Variants in CUBN observed in about 807,000 individuals in gnomAD.
The protein encoded by CUBN is cubilin, also known as 460 kDa receptor.
Under a neutral mutation model 405.3 loss-of-function variants are expected in CUBN, and 282 were observed. The ratio of observed to expected loss-of-function variants is 0.70; its 90% confidence interval spans 0.63 to 0.77. CUBN has a LOEUF of 0.77. Among genes scored for constraint, CUBN ranks in the 30% least tolerant of loss-of-function variants. The probability of loss-of-function intolerance (pLI) is 0.00; values close to 1 mark genes in which losing one functional copy is unlikely to be tolerated. For synonymous variants in CUBN, 1,684 were observed against 1,617.0 expected (o/e 1.04, Z -0.99); for missense variants, 4,514 against 4,475.2 (o/e 1.01, Z -0.25).
chr10:17,078,707 T>C (rs1835905535), intron 17 of CUBN, among the ~76,000 whole-genome samples: 1 of 152,186 alleles, frequency 6.6e-6, no homozygotes, highest in African/African-American at 2.4e-5. Context: ...ACTAGTACTA[T>C]CCCTATTACA....
intron 56 of CUBN, among the ~76,000 whole-genome samples, chr10:16,881,089 A>C (rs59527883): frequency 0.035 from 5,265 of 152,312 alleles, 307 homozygotes; most frequent in African/African-American, 0.12. Flanking sequence ...GAGTTTGAGA[A>C]TAAAAAAATT....
In CUBN at chr10:16,967,343, T is replaced by A. The variant is rs1169567513; in HGVS notation, c.4696-12795A>T. 3.3e-5 allele frequency among the ~76,000 whole-genome samples: 5 copies of A among 152,192 alleles called. No homozygotes were observed. In the East Asian group the frequency reaches 9.6e-4, roughly 29 times the overall value. On this transcript the variant is annotated intron_variant, in intron 31 of 66. Transcript: ENST00000377833. ...ACTGACTCAAAGATTCCTGGAAATG[T>A]TGACATGAGAAGAAATCTAAGATGC... is the stretch of plus-strand genomic sequence containing the variant.
At chr10:17,029,819 G>T (rs1313714810) in intron 27 of CUBN, among the ~76,000 whole-genome samples, 1 of 152,210 alleles carries the variant, frequency 6.6e-6, no homozygotes, top group African/African-American at 2.4e-5. Context: ...TGGAAAACAG[G>T]ATTTTATCTA....
At chr10:17,049,735 C>G (rs1368686206) in intron 22 of CUBN, among the ~76,000 whole-genome samples, 1 of 152,156 alleles carries the variant, frequency 6.6e-6, no homozygotes, top group Non-Finnish European at 1.5e-5. Flanking sequence ...ACCCAACAAC[C>G]CCTGCCAATA....
chr10:16,916,068 A>G (rs1841875903), intron 45 of CUBN, 38 bp from the exon 46 acceptor site: 2 of 1,588,892 alleles, frequency 1.3e-6, no homozygotes, highest in African/African-American at 1.4e-5. Flanking sequence ...ATAAGAAAGC[A>G]AGCAAGCAAG....
At chr10:16,961,257 A>G (rs760884410) in intron 31 of CUBN, among the ~76,000 whole-genome samples, 3 of 152,004 alleles carry the variant, frequency 2.0e-5, no homozygotes, top group Non-Finnish European at 2.9e-5. Context: ...TGTTTTGTAG[A>G]GAGGGGATTT....
intron 36 of CUBN, among the ~76,000 whole-genome samples, chr10:16,944,567 G>C (rs994117863): frequency 1.3e-5 from 2 of 152,028 alleles, no homozygotes; most frequent in African/African-American, 4.8e-5. Flanking sequence ...TTTAGACCAG[G>C]GCAGAAATAA....
At chr10:16,879,367 C>T (rs1269453442) in intron 56 of CUBN, among the ~76,000 whole-genome samples, 2 of 152,188 alleles carry the variant, frequency 1.3e-5, no homozygotes, top group African/African-American at 2.4e-5. Context: ...GAACAAAATG[C>T]TTTTATTTCA....
intron 6 of CUBN, among the ~76,000 whole-genome samples, chr10:17,119,080 C>T (rs1031696290): frequency 2.4e-4 from 36 of 152,168 alleles, no homozygotes; most frequent in Non-Finnish European, 4.9e-4. Flanking sequence ...TGGTTCAATA[C>T]TAATTTTACT....
intron 17 of CUBN, among the ~76,000 whole-genome samples, chr10:17,075,458 T>C (rs1337672549): frequency 1.3e-5 from 2 of 152,158 alleles, no homozygotes; most frequent in African/African-American, 2.4e-5. Flanking sequence ...CATCCATAAC[T>C]GGTGGAAGTA....
rs77287331 is a variant in CUBN, at chr10:17,125,712, C to T, written c.387+1049G>A. ...GCCCTATCCAAAGGCACAAAGCATT[C>T]ACATTTGAAAATCATTCAACATTCC... On this transcript the variant is annotated intron_variant, in intron 4 of 66. Coordinates refer to ENST00000377833, the MANE Select transcript of CUBN (RefSeq NM_001081.4). Among the ~76,000 whole-genome samples the T allele has an allele frequency of 2.8e-4, 43 of 152,246 alleles. No individual in the cohort carries two copies. In the East Asian group the frequency reaches 8.1e-3, roughly 29 times the overall value.
chr10:17,001,519 C>G (rs1833885187), intron 28 of CUBN, among the ~76,000 whole-genome samples: 1 of 152,240 alleles, frequency 6.6e-6, no homozygotes, highest in Admixed American at 6.5e-5. Context: ...ATTTACAATG[C>G]TTCAAGCTAG....
chr10:17,006,849 C>A (rs1027043182), intron 28 of CUBN, among the ~76,000 whole-genome samples: 2 of 152,094 alleles, frequency 1.3e-5, no homozygotes, highest in African/African-American at 4.8e-5. Flanking sequence ...TAAAATGGAC[C>A]CAGCCCCCAT....
At chr10:16,967,618 A>C (rs1163031073) in intron 31 of CUBN, among the ~76,000 whole-genome samples, 2 of 152,124 alleles carry the variant, frequency 1.3e-5, no homozygotes, top group Non-Finnish European at 2.9e-5. Context: ...ATCCTCAAGT[A>C]TCAGATGGAA....
chr10:16,914,757 A>T (rs561860447), intron 47 of CUBN, among the ~76,000 whole-genome samples: 3 of 152,260 alleles, frequency 2.0e-5, no homozygotes, highest in Admixed American at 6.5e-5. Flanking sequence ...GTTTGCAGTA[A>T]GACAAATTCT....
chr10:16,992,979 C>T (rs1267649420), intron 28 of CUBN, among the ~76,000 whole-genome samples: 1 of 152,170 alleles, frequency 6.6e-6, no homozygotes, highest in Non-Finnish European at 1.5e-5. Flanking sequence ...TCTCCTGTAC[C>T]AATGCCCAAC....
chr10:16,887,487 C>T (rs1173071844), intron 56 of CUBN, among the ~76,000 whole-genome samples: 1 of 152,188 alleles, frequency 6.6e-6, no homozygotes, highest in Non-Finnish European at 1.5e-5. Context: ...CCTCTACTTA[C>T]TCCTCATTCA....
At chr10:17,077,187 C>T (rs943691781) in intron 17 of CUBN, among the ~76,000 whole-genome samples, 2 of 152,120 alleles carry the variant, frequency 1.3e-5, no homozygotes, top group African/African-American at 2.4e-5. Context: ...TTGCCTTATT[C>T]GTCCAGGAAA....
At position 16,869,602 on chromosome 10, in the gene CUBN, C is replaced by G; in HGVS notation, c.9454+34G>C. The G allele has an allele frequency of 3.4e-6, 5 of 1,474,828 alleles. No homozygotes were observed. In the South Asian group the frequency reaches 4.5e-5, roughly 13 times the overall value. The allele number at this position is 1,474,828 out of a possible 1,614,324, so 91.4% of individuals were successfully genotyped here. A position where few individuals can be genotyped will look rare whatever the true frequency, so the allele number is the denominator to read the frequency against. On this transcript the variant is annotated intron_variant, in intron 59 of 66. Coordinates refer to ENST00000377833, the MANE Select transcript of CUBN (RefSeq NM_001081.4). The stretch of plus-strand genomic sequence containing the variant: ...TAAATAAAGCAGAAAGGTAACAGTC[C>G]TGACAAATAGATTTACAAGTCCAGA...
Sources: allele counts gnomAD v4.1 joint callset (sites outside exome capture counted in the v4.1 genomes callset), GRCh38; gene constraint gnomAD v4.1.1; transcripts MANE v1.5; gene names NCBI Gene and HGNC (gene_info 2026-07-23, HGNC 2026-07-21).